ZNF451: variants seen among roughly 807,000 people sequenced by gnomAD.
ZNF451 encodes the protein zinc finger protein 451.
In ZNF451, 80 loss-of-function variants were observed where a neutral mutation model predicts 107.1. The ratio of observed to expected loss-of-function variants is 0.75; its 90% CI spans 0.62 to 0.90. ZNF451 has a LOEUF of 0.90. ZNF451 is among the 40% of genes least tolerant of loss of function. The pLI, the probability that ZNF451 is intolerant of heterozygous loss-of-function variation, is 0.00. For synonymous variants in ZNF451, 362 were observed against 406.5 expected (o/e 0.89, Z 1.32); for missense variants, 1,107 against 1,236.2 (o/e 0.90, Z 1.57).
chr6:57,130,914 A>T (rs1052206749), intron 5 of ZNF451, among the ~76,000 whole-genome samples: 15 of 152,266 alleles, frequency 9.9e-5, no homozygotes, highest in Non-Finnish European at 1.2e-4. Context: ...CTCTGAGGCA[A>T]TGTAAAAATA....
intron 3 of ZNF451, among the ~76,000 whole-genome samples, chr6:57,123,672 GAAA>G (rs929301156): frequency 7.0e-6 from 1 of 142,998 alleles, no homozygotes; most frequent in Non-Finnish European, 1.5e-5. Context: ...AAATAAAAAT[GAAA>G]AAAAAAAAGT....
intron 7 of ZNF451, among the ~76,000 whole-genome samples, chr6:57,136,642 ATGT>A (rs1393062810): frequency 6.6e-6 from 1 of 152,144 alleles, no homozygotes; most frequent in Non-Finnish European, 1.5e-5. Context: ...TAGGTTACTG[ATGT>A]TCTGCATTTT....
At chr6:57,150,901 A>G in intron 11 of ZNF451, 39 bp downstream of exon 11, 1 of 1,611,224 alleles carries the variant, frequency 6.2e-7, no homozygotes. Flanking sequence ...ACTTTTTCCC[A>G]CCTCTTAGAA....
chr6:57,090,408 C>G (rs1829007900), intron 1 of ZNF451, 134 bp downstream of exon 1: 1 of 1,380,242 alleles, frequency 7.2e-7, no homozygotes, highest in Admixed American at 2.3e-5. Flanking sequence ...CCGAGCCCAG[C>G]TCTGGGGCCT....
At chr6:57,146,167 G>A (rs1368700873) in intron 9 of ZNF451, among the ~76,000 whole-genome samples, 1 of 152,010 alleles carries the variant, frequency 6.6e-6, no homozygotes, top group Non-Finnish European at 1.5e-5. Context: ...GTTCCTAGTA[G>A]ATTCTGAATA....
intron 5 of ZNF451, among the ~76,000 whole-genome samples, chr6:57,130,460 A>T (rs1044728892): frequency 5.9e-5 from 9 of 152,128 alleles, no homozygotes; most frequent in African/African-American, 2.2e-4. Flanking sequence ...AGATGCCTAC[A>T]CCTTATTATC....
chr6:57,163,436 C>CATTTTTTTT (rs1763756653), intron 14 of ZNF451, among the ~76,000 whole-genome samples: 1 of 30,332 alleles, frequency 3.3e-5, no homozygotes, highest in Non-Finnish European at 6.1e-5. Context: ...AATGAATAAA[C>CATTTTTTTT]TTTTTTTTTT....
chr6:57,148,153 C>T lies in ZNF451; in HGVS notation c.2068C>T (p.His690Tyr). 6.2e-7 allele frequency: 1 copy of T among 1,613,980 alleles called. No individual in the cohort carries two copies. Among genetic ancestry groups the T allele is most frequent in the Non-Finnish European group, 8.5e-7 (1 of 1,179,954 alleles). The change falls in exon 10 of 15, where the codon CAC becomes TAC. Residue 690 changes from histidine to tyrosine, a missense_variant. Coordinates refer to ENST00000370706, the MANE Select transcript of ZNF451 (RefSeq NM_001031623.3). ...EAFLSHYEEH[H>Y]SIDYVFVSEK... is the part of the protein sequence containing the mutation. ...ATTTCTGAGTCATTATGAGGAGCAC[C>T]ACAGCATAGATTATGTATTTGTGTC...
At chr6:57,095,326 C>CTT (rs764972958) in intron 2 of ZNF451, among the ~76,000 whole-genome samples, 41 of 107,752 alleles carry the variant, frequency 3.8e-4, no homozygotes, top group African/African-American at 6.3e-4. Flanking sequence ...TTCTGTGATA[C>CTT]TTTTTTTTTT....
chr6:57,142,293 A>G (rs1272374899), intron 9 of ZNF451, among the ~76,000 whole-genome samples, 198 bp downstream of exon 9: 4 of 152,218 alleles, frequency 2.6e-5, no homozygotes, highest in African/African-American at 9.7e-5. Context: ...TGCAAGTGTA[A>G]AGCAAGCTAA....
In ZNF451 at chr6:57,147,458, G is replaced by A; in HGVS notation, c.1373G>A (p.Gly458Asp). 1 of 1,614,112 alleles carries A rather than the reference G, an allele frequency of 6.2e-7. No homozygotes were observed. Among genetic ancestry groups the A allele is most frequent in the Non-Finnish European group, 8.5e-7 (1 of 1,179,976 alleles). ...KMNLKDKSHE[G>D]VACVQKEKSV... is the part of the protein sequence containing the mutation. ...AATTTAAAAGATAAAAGCCATGAAG[G>A]TGTTGCTTGTGTCCAGAAAGAAAAA... The change falls in exon 10 of 15, where the codon GGT (glycine) becomes GAT (aspartate). Residue 458 changes from glycine to aspartate, a missense_variant. By Grantham distance (94) the Gly-to-Asp change is moderately conservative. Transcript: ENST00000370706.
intron 3 of ZNF451, chr6:57,102,895 G>C (rs866471836): frequency 1.0e-6 from 1 of 985,424 alleles, no homozygotes; most frequent in Middle Eastern, 5.2e-4. Flanking sequence ...AGAATTGTTT[G>C]TTGTTATCAA....
chr6:57,106,453 T>C (rs1246272327), intron 3 of ZNF451: 2 of 529,454 alleles, frequency 3.8e-6, no homozygotes, highest in Non-Finnish European at 4.8e-6. Flanking sequence ...ATTACAGGCA[T>C]GTGTCACCAT....
rs748736350 is a variant in ZNF451 at position 57,148,245 on chromosome 6, A to C, written c.2160A>C (p.Leu720Phe). 1.9e-6 allele frequency: 3 copies of C among 1,614,046 alleles called. No homozygotes were observed. The East Asian group carries it at 6.7e-5, about 36-fold the overall frequency. ...DFPVIETSNQ[L>F]TCGCRESYIC... Reference sequence around the variant, plus strand: ...CAGTAATAGAGACCAGTAACCAGTTAACTTGTGGTTGCCGTGAGAGTTACA... The same window carrying C: ...CAGTAATAGAGACCAGTAACCAGTTCACTTGTGGTTGCCGTGAGAGTTACA... Residue 720 changes from leucine to phenylalanine, a missense_variant, in exon 10 of 15, where the codon TTA becomes TTC. By Grantham distance (22) the Leu-to-Phe change is conservative. Transcript: ENST00000370706.
At chr6:57,153,823 T>A in intron 12 of ZNF451, 38 bp from the exon 13 acceptor site, 1 of 1,605,246 alleles carries the variant, frequency 6.2e-7, no homozygotes, top group Non-Finnish European at 8.5e-7. Flanking sequence ...AAACTCATGC[T>A]GATTTTTTAT....
Position 57,141,326 on chromosome 6 carries a change from A to G in ZNF451, c.727A>G (p.Asn243Asp). 6.2e-7 allele frequency: 1 copy of G among 1,612,056 alleles called. No individual in the cohort carries two copies. The highest frequency in any genetic ancestry group is 1.7e-4 in the Middle Eastern group (1 of 6,054). Reference sequence around the variant, plus strand: ...GGAAGCCACAGATGATGGACATAACAACAACCTTCTTCCTCAGATTATTCA... The same window carrying G: ...GGAAGCCACAGATGATGGACATAACGACAACCTTCTTCCTCAGATTATTCA... ...DKEATDDGHN[N>D]NLLPQIIQCF... Residue 243 changes from asparagine (N) to aspartate (D), a missense_variant, in exon 8 of 15, where the codon AAC becomes GAC. Asn to Asp is a conservative substitution (Grantham distance 23, BLOSUM62 1). Around this residue, in one of 5 missense-constraint regions of ZNF451, gnomAD observed 339 missense variants for 372.8 expected, o/e 0.91. Transcript: ENST00000370706.
rs529631084 is a variant in ZNF451, at chr6:57,146,960, C to G, written c.1005-130C>G. On this transcript the variant is annotated intron_variant, in intron 9 of 14. Coordinates refer to ENST00000370706, the MANE Select transcript of ZNF451 (RefSeq NM_001031623.3). ...TAGAACATCATTATGTCATTTGCATCTTTATTGAAAAGTATCTTTTAGTGC... is the reference window on the plus strand; with the variant it reads ...TAGAACATCATTATGTCATTTGCATGTTTATTGAAAAGTATCTTTTAGTGC... 1.0e-5 allele frequency: 8 copies of G among 764,918 alleles called. No individual in the cohort carries two copies. In the East Asian group the frequency reaches 1.9e-4, roughly 18 times the overall value. 47.4% of individuals were successfully genotyped at this position (764,918 alleles called of 1,614,324 possible). A position where few individuals can be genotyped will look rare whatever the true frequency, so the allele number is the denominator to read the frequency against.
At chr6:57,133,629 TA>T (rs1391473406) in intron 6 of ZNF451, among the ~76,000 whole-genome samples, 1 of 152,244 alleles carries the variant, frequency 6.6e-6, no homozygotes, top group Non-Finnish European at 1.5e-5. Flanking sequence ...ATAAAAATTC[TA>T]TTTATTGAAA....
In ZNF451 at chr6:57,099,097, C is replaced by G; in HGVS notation, c.142C>G (p.Leu48Val). 1 of 1,613,660 alleles carries G rather than the reference C, an allele frequency of 6.2e-7. No individual in the cohort carries two copies. The highest frequency in any genetic ancestry group is 8.5e-7 in the Non-Finnish European group (1 of 1,179,696). ...ACGACCTGTTCTTGAATACATTGAT[C>G]TGGTCAGCAGTGATGATGAAGAGCC... ...PLRPVLEYID[L>V]VSSDDEEPST... The change falls in exon 3 of 15, where the codon CTG becomes GTG. Residue 48 changes from leucine (L) to valine (V), a missense_variant. Leu to Val is a conservative substitution (Grantham distance 32). This residue lies in a region of ZNF451 where 339 missense variants were observed against 372.8 expected (regional missense o/e 0.91). Coordinates refer to ENST00000370706, the MANE Select transcript of ZNF451 (RefSeq NM_001031623.3).
Sources: gnomAD v4.1 joint callset for allele counts (sites outside exome capture counted in the v4.1 genomes callset) on GRCh38, gnomAD v4.1.1 for gene constraint, gnomAD v4.1.1 regional missense constraint, MANE v1.5 for transcripts, NCBI Gene and HGNC (gene_info 2026-07-23, HGNC 2026-07-21) for gene names.